Variants in ECPAS observed in about 807,000 individuals in gnomAD.
ECPAS encodes Ecm29 proteasome adaptor and scaffold, also known as proteasome adapter and scaffold protein ECM29.
Under a neutral mutation model 255.1 loss-of-function variants are expected in ECPAS, and 70 were observed. That is an observed-to-expected ratio of 0.27 (90% CI 0.23 to 0.33). ECPAS has a LOEUF of 0.33. Ranked by LOEUF, ECPAS falls within the 10% of genes least tolerant of loss-of-function variation. The pLI is 1.00. For missense variants in ECPAS, 1,817 were observed against 2,206.4 expected, an observed-to-expected ratio of 0.82 and a Z score of 3.54; for synonymous variants, 784 against 775.0, an observed-to-expected ratio of 1.01 and a Z score of -0.19.
chr9:111,451,838 A>C (rs1276692329), intron 2 of ECPAS, among the ~76,000 whole-genome samples: 1 of 152,246 alleles, frequency 6.6e-6, no homozygotes, highest in African/African-American at 2.4e-5. Flanking sequence ...TGGAAAGGAT[A>C]CAAGATTTCT....
rs180766247 is a variant in ECPAS at position 111,422,226 on chromosome 9, T to C, written c.1266-26A>G. The C allele has an allele frequency of 6.2e-3, 9,952 of 1,596,760 alleles. 58 individuals carry two copies. Among genetic ancestry groups the C allele is most frequent in the South Asian group, 9.9e-3 (886 of 89,456 alleles). On this transcript the variant is annotated intron_variant, in intron 13 of 49. Coordinates refer to ENST00000684092, the MANE Select transcript of ECPAS (RefSeq NM_001364929.1). ...CTGCAAAAGAATGTAAAAATATTGTTACTATCATAAATTTCCAAGAGATGA... is the reference window on the plus strand; with the variant it reads ...CTGCAAAAGAATGTAAAAATATTGTCACTATCATAAATTTCCAAGAGATGA...
chr9:111,423,395 T>C (rs1157052670), intron 12 of ECPAS, 147 bp from the exon 13 acceptor site: 1 of 623,970 alleles, frequency 1.6e-6, no homozygotes, highest in Non-Finnish European at 2.8e-6. Context: ...TCTAACTACA[T>C]GGTGTTAGCA....
rs1202568556 is a variant in ECPAS, at chr9:111,374,340, ATT to A, written c.4111-304_4111-303del. Among the ~76,000 whole-genome samples the A allele has an allele frequency of 3.3e-5, 5 of 152,332 alleles. No individual in the cohort carries two copies. In the East Asian group the frequency reaches 9.6e-4, roughly 29 times the overall value. ...TGTGCTAACATTTCCATTTCCAGAAATTTAACCAAATATCTTCAGGTGTGCCT... is the reference window on the plus strand; with the variant it reads ...TGTGCTAACATTTCCATTTCCAGAAATAACCAAATATCTTCAGGTGTGCCT... On this transcript the variant is annotated intron_variant, in intron 38 of 49. Coordinates refer to ENST00000684092, the MANE Select transcript of ECPAS (RefSeq NM_001364929.1).
In ECPAS at chr9:111,430,620, T is replaced by C; in HGVS notation, c.857A>G (p.Asp286Gly). The C allele has an allele frequency of 1.3e-6, 2 of 1,589,998 alleles. No individual in the cohort carries two copies. The highest frequency in any genetic ancestry group is 1.7e-6 in the Non-Finnish European group (2 of 1,166,012). Residue 286 changes from aspartate (D) to glycine (G), a missense_variant, in exon 9 of 50, where the codon GAC becomes GGC. Transcript: ENST00000684092. ...LELKSKQSLI[D>G]WNNPAIINKM... ...ATTAATGATGGCAGGATTATTCCAG[T>C]CAATTAAGCTATGGAAGGTTTCAAC...
At chr9:111,482,554 G>C (rs2098307544) in intron 1 of ECPAS, among the ~76,000 whole-genome samples, 1 of 151,958 alleles carries the variant, frequency 6.6e-6, no homozygotes, top group Non-Finnish European at 1.5e-5. Flanking sequence ...CATAAAGCTT[G>C]CAACACCTCA....
At chr9:111,406,163 T>C (rs983873679) in intron 24 of ECPAS, among the ~76,000 whole-genome samples, 1 of 149,742 alleles carries the variant, frequency 6.7e-6, no homozygotes, top group Non-Finnish European at 1.5e-5. Context: ...AAGTGGTATA[T>C]ATACACAATG....
At chr9:111,407,310 G>A (rs12377262) in intron 24 of ECPAS, among the ~76,000 whole-genome samples, 8 of 138,962 alleles carry the variant, frequency 5.8e-5, no homozygotes, top group Non-Finnish European at 1.2e-4. Context: ...GCTGACGAAG[G>A]AGAATCGCTT....
chr9:111,437,459 T>C (rs554295950), intron 6 of ECPAS, among the ~76,000 whole-genome samples: 1 of 152,310 alleles, frequency 6.6e-6, no homozygotes, highest in African/African-American at 2.4e-5. Context: ...AAAAGTTTGT[T>C]GACAAAGGGG....
At chr9:111,385,168 G>A (rs2098146134) in intron 33 of ECPAS, among the ~76,000 whole-genome samples, 169 bp downstream of exon 33, 1 of 152,032 alleles carries the variant, frequency 6.6e-6, no homozygotes, top group African/African-American at 2.4e-5. Context: ...TAGATCTAAG[G>A]ATACCCAACC....
At chr9:111,442,646 TGAG>T (rs1324633216) in intron 4 of ECPAS, among the ~76,000 whole-genome samples, 1 of 152,182 alleles carries the variant, frequency 6.6e-6, no homozygotes, top group African/African-American at 2.4e-5. Context: ...AGGCCTAATG[TGAG>T]GTAGCATGGA....
intron 1 of ECPAS, among the ~76,000 whole-genome samples, chr9:111,482,166 GCTTC>G (rs2098306611): frequency 6.6e-6 from 1 of 152,158 alleles, no homozygotes; most frequent in South Asian, 2.1e-4. Context: ...GCCTGGTGGT[GCTTC>G]CACGTGGAAC....
chr9:111,481,561 T>C lies in ECPAS; in HGVS notation c.-83+2555A>G, dbSNP rs1404476543. ...CAGTGGTTCCTTAAAAATTTAAAAC[T>C]AGAACTATCACATGATCCAGCAATT... On this transcript the variant is annotated intron_variant, in intron 1 of 49. Transcript: ENST00000684092. Among the ~76,000 whole-genome samples the C allele has an allele frequency of 2.6e-5, 4 of 151,944 alleles. No homozygotes were observed. The East Asian group carries it at 7.7e-4, about 29-fold the overall frequency.
In ECPAS at chr9:111,421,883, C is replaced by G. The variant is rs750217752; in HGVS notation, c.1455+38G>C. 3 of 1,592,376 alleles carry G rather than the reference C, an allele frequency of 1.9e-6. No individual in the cohort carries two copies. The Admixed American group carries it at 5.6e-5, about 30-fold the overall frequency. The stretch of plus-strand genomic sequence containing the variant: ...AAATTTTGTTCTTAAAAATGTAAAC[C>G]GTATACTACCCAGGCTTTGTAGTTC... On this transcript the variant is annotated intron_variant, in intron 15 of 49. Transcript: ENST00000684092.
chr9:111,475,618 C>G (rs1374234043), intron 1 of ECPAS, among the ~76,000 whole-genome samples: 2 of 152,100 alleles, frequency 1.3e-5, no homozygotes, highest in Admixed American at 6.6e-5. Context: ...GCCTTGTAGT[C>G]CCAGCTACTC....
At chr9:111,389,866 T>A in intron 30 of ECPAS, 118 bp downstream of exon 30, 1 of 1,136,248 alleles carries the variant, frequency 8.8e-7, no homozygotes. Flanking sequence ...GGGTTCAGCT[T>A]TCTCATCAGG....
rs188300073 is a variant in ECPAS at position 111,421,987 on chromosome 9, C to T, written c.1389G>A (p.Ala463=). The T allele has an allele frequency of 1.9e-5, 30 of 1,613,684 alleles. No homozygotes were observed. Among genetic ancestry groups the T allele is most frequent in the Middle Eastern group, 3.3e-4 (2 of 6,054 alleles). ...IQEALSMMVG[A]YSTLEGAQRT... ...GCTGTGCCCCTTCCAAAGTACTATACGCTCCAACCATCATAGATAAAGCTT... is the reference window on the plus strand; with the variant it reads ...GCTGTGCCCCTTCCAAAGTACTATATGCTCCAACCATCATAGATAAAGCTT... Residue 463 remains alanine, a synonymous_variant, in exon 15 of 50, where the codon GCG becomes GCA. Transcript: ENST00000684092.
intron 24 of ECPAS, among the ~76,000 whole-genome samples, 198 bp from the exon 25 acceptor site, chr9:111,397,351 T>C (rs1490366407): frequency 1.3e-5 from 2 of 152,206 alleles, no homozygotes; most frequent in African/African-American, 4.8e-5. Context: ...CCCTTGAAGA[T>C]ATTTTTCAAA....
chr9:111,374,076 T>C, intron 38 of ECPAS, 38 bp from the exon 39 acceptor site: 1 of 1,499,918 alleles, frequency 6.7e-7, no homozygotes, highest in Non-Finnish European at 9.3e-7. Context: ...AATCTGATGG[T>C]CACAATGTTC....
At chr9:111,446,735 G>A (rs933026693) in intron 3 of ECPAS, among the ~76,000 whole-genome samples, 1 of 152,146 alleles carries the variant, frequency 6.6e-6, no homozygotes, top group Non-Finnish European at 1.5e-5. Context: ...TGAGGAAGCA[G>A]AAGCCTCAAG....
Sources: allele counts gnomAD v4.1 joint callset (sites outside exome capture counted in the v4.1 genomes callset), GRCh38; gene constraint gnomAD v4.1.1; transcripts MANE v1.5; gene names NCBI Gene and HGNC (gene_info 2026-07-23, HGNC 2026-07-21).